CEP250: variants seen among roughly 807,000 people sequenced by gnomAD.
The protein encoded by CEP250 is centrosomal protein 250.
A neutral mutation model predicts 315.7 loss-of-function variants in CEP250; 242 were observed. The observed-to-expected ratio is 0.77, with a 90% CI of 0.69 to 0.85. The LOEUF is 0.85. CEP250 is among the 40% of genes least tolerant of loss of function. The pLI is 0.00. For missense variants in CEP250, 2,515 were observed against 2,886.4 expected, an observed-to-expected ratio of 0.87 and a Z score of 2.95; for synonymous variants, 1,088 against 1,175.0, an observed-to-expected ratio of 0.93 and a Z score of 1.51.
intron 20 of CEP250, among the ~76,000 whole-genome samples, chr20:35,482,594 C>T (rs1172038620): frequency 6.6e-6 from 1 of 151,226 alleles, no homozygotes; most frequent in Non-Finnish European, 1.5e-5. Context: ...GAGTCTTGCT[C>T]TGTCACCCAG....
Position 35,499,983 on chromosome 20 carries a change from C to A in CEP250, c.3778-66C>A, listed in dbSNP as rs759695875. On this transcript the variant is annotated intron_variant, in intron 27 of 34. Transcript: ENST00000397527. ...ACAGAAGCTGAGAATGAGGAGAGAG[C>A]TTGAGCCCTGCATTGTTTTGTGGAA... 1.4e-5 allele frequency: 22 copies of A among 1,600,076 alleles called. No homozygotes were observed. In the South Asian group the frequency reaches 2.3e-4, roughly 17 times the overall value.
intron 30 of CEP250, among the ~76,000 whole-genome samples, chr20:35,505,363 T>C (rs1425446161): frequency 2.6e-5 from 4 of 152,088 alleles, no homozygotes; most frequent in Non-Finnish European, 5.9e-5. Context: ...TGTTTAAGAT[T>C]AGACCTGGGC....
intron 3 of CEP250, among the ~76,000 whole-genome samples, chr20:35,461,682 G>C (rs1440010070): frequency 1.3e-5 from 2 of 152,164 alleles, no homozygotes; most frequent in African/African-American, 4.8e-5. Context: ...CTAAGCCCCA[G>C]TTTCCTCATC....
chr20:35,493,600 A>G lies in CEP250; in HGVS notation c.3033+28A>G, dbSNP rs115699391. Reference sequence around the variant, plus strand: ...CCCCTCCTCCTCCCCACCAAGTCCCATGGTCCTTCCCCAACACAGCCAGGC... The same window carrying G: ...CCCCTCCTCCTCCCCACCAAGTCCCGTGGTCCTTCCCCAACACAGCCAGGC... On this transcript the variant is annotated intron_variant, in intron 23 of 34. Transcript: ENST00000397527. The G allele has an allele frequency of 4.2e-3, 6,349 of 1,496,028 alleles. 252 individuals are homozygous for G. In the African/African-American group the frequency reaches 0.079, roughly 19 times the overall value. The allele number at this position is 1,496,028 out of a possible 1,614,324, so 92.7% of individuals were successfully genotyped here.
At position 35,465,804 on chromosome 20, in the gene CEP250, G is replaced by T; in HGVS notation, c.305G>T (p.Arg102Leu). 1 of 1,609,326 alleles carries T rather than the reference G, an allele frequency of 6.2e-7. No individual in the cohort carries two copies. The highest frequency in any genetic ancestry group is 8.5e-7 in the Non-Finnish European group (1 of 1,178,306). ...CCAAACCTGGATGAGCTGCTGGTCC[G>T]ATTGGAGGAGGAGCAACAGAGGTGA... ...EEPNLDELLV[R>L]LEEEQQRCES... The change falls in exon 6 of 35, where the codon CGA becomes CTA. Residue 102 changes from arginine to leucine, a missense_variant. Coordinates refer to ENST00000397527, the MANE Select transcript of CEP250 (RefSeq NM_007186.6).
intron 30 of CEP250, among the ~76,000 whole-genome samples, chr20:35,507,199 T>C (rs2064211114): frequency 6.6e-6 from 1 of 152,222 alleles, no homozygotes; most frequent in African/African-American, 2.4e-5. Flanking sequence ...TGTTATCATT[T>C]ATGAACCACA....
intron 2 of CEP250, among the ~76,000 whole-genome samples, chr20:35,459,680 G>T (rs973445127): frequency 1.3e-5 from 2 of 151,778 alleles, no homozygotes; most frequent in Non-Finnish European, 2.9e-5. Flanking sequence ...GAAGGGTGAG[G>T]CTGGAGGATC....
At position 35,467,850 on chromosome 20, in the gene CEP250, C is replaced by G. The variant is rs912695643; in HGVS notation, c.851+295C>G. On this transcript the variant is annotated intron_variant, in intron 9 of 34. Coordinates refer to ENST00000397527, the MANE Select transcript of CEP250 (RefSeq NM_007186.6). ...TCCCAGAACAGCCAAGCTCTTCCCC[C>G]TCCCTGTCTTTGTACCTGCTGAATT... 2.0e-5 allele frequency among the ~76,000 whole-genome samples: 3 copies of G among 152,186 alleles called. No homozygotes were observed. In the East Asian group the frequency reaches 5.8e-4, roughly 29 times the overall value.
intron 21 of CEP250, 74 bp from the exon 22 acceptor site, chr20:35,491,138 G>T (rs761812619): frequency 6.2e-5 from 96 of 1,549,178 alleles, no homozygotes; most frequent in Non-Finnish European, 3.2e-5. Flanking sequence ...GGGCAGCTGG[G>T]ATGTGCTTGT....
chr20:35,462,699 T>C (rs2062783409), intron 4 of CEP250, 146 bp downstream of exon 4: 1 of 620,858 alleles, frequency 1.6e-6, no homozygotes, highest in East Asian at 2.8e-5. Context: ...ACCTTCTAGC[T>C]TTCATGTACA....
At chr20:35,461,410 C>CTCTTTA (rs1568751628) in intron 3 of CEP250, among the ~76,000 whole-genome samples, 1 of 152,178 alleles carries the variant, frequency 6.6e-6, no homozygotes, top group Non-Finnish European at 1.5e-5. Context: ...TACCACCATG[C>CTCTTTA]CTTCCCCTGT....
At chr20:35,489,375 G>A (rs1361811572) in intron 20 of CEP250, among the ~76,000 whole-genome samples, 1 of 152,194 alleles carries the variant, frequency 6.6e-6, no homozygotes, top group Non-Finnish European at 1.5e-5. Flanking sequence ...AAAGTGCAGG[G>A]AATACTAATG....
At chr20:35,497,693 T>C in intron 25 of CEP250, 26 bp from the exon 26 acceptor site, 16 of 1,494,788 alleles carry the variant, frequency 1.1e-5, no homozygotes, top group Non-Finnish European at 1.4e-5. Flanking sequence ...TTCCTGCTTA[T>C]ATTATGTAAA....
At chr20:35,493,392 G>C (rs772148990) in intron 22 of CEP250, 37 bp from the exon 23 acceptor site, 1 of 1,492,330 alleles carries the variant, frequency 6.7e-7, no homozygotes, top group Middle Eastern at 1.8e-4. Context: ...CTATGACACA[G>C]ATTTCCTCTA....
In CEP250 at chr20:35,504,792, T is replaced by G; in HGVS notation, c.6423T>G (p.Leu2141=). The change falls in exon 30 of 35, where the codon CTT becomes CTG. Residue 2141 remains leucine, a synonymous_variant. Coordinates refer to ENST00000397527, the MANE Select transcript of CEP250 (RefSeq NM_007186.6). ...CAATGGAGGAACAATCTCTAAAACT[T>G]GATTCTTTAGAGCCCAGGCTGCAGC... ...TSPMEEQSLK[L]DSLEPRLQRE... 6.2e-7 allele frequency: 1 copy of G among 1,614,124 alleles called. No individual in the cohort carries two copies. The highest frequency in any genetic ancestry group is 1.1e-5 in the South Asian group (1 of 91,080).
At position 35,516,970 on chromosome 20, in the gene CEP250, C is replaced by A; in HGVS notation, c.*5344C>A. 1.0e-6 allele frequency: 1 copy of A among 985,560 alleles called. No homozygotes were observed. Among genetic ancestry groups the A allele is most frequent in the African/African-American group, 1.7e-5 (1 of 57,370 alleles). The allele number at this position is 985,560 out of a possible 1,614,324, so 61.1% of individuals were successfully genotyped here. A position where few individuals can be genotyped will look rare whatever the true frequency, so the allele number is the denominator to read the frequency against. On this transcript the variant is annotated 3_prime_UTR_variant, in exon 35 of 35. Coordinates refer to ENST00000397527, the MANE Select transcript of CEP250 (RefSeq NM_007186.6). ...AAACCCCCCCATTGAAGGCTACATTCTTGTCCCACAGGGCAGAGCACATGG... is the reference window on the plus strand; with the variant it reads ...AAACCCCCCCATTGAAGGCTACATTATTGTCCCACAGGGCAGAGCACATGG...
In CEP250 at chr20:35,503,831, C is replaced by T; in HGVS notation, c.5462C>T (p.Ala1821Val). The T allele has an allele frequency of 1.9e-6, 3 of 1,613,948 alleles. No individual in the cohort carries two copies. Among genetic ancestry groups the T allele is most frequent in the Non-Finnish European group, 8.5e-7 (1 of 1,179,996 alleles). ...GCCCAGAGGGACCAGGAACTGGAGG[C>T]TCTGCAGCAAGAACAGCAGCAGGCC... is the stretch of plus-strand genomic sequence containing the variant. ...ALAQRDQELE[A>V]LQQEQQQAQG... The change falls in exon 30 of 35, where the codon GCT (alanine) becomes GTT (valine). Residue 1821 changes from alanine (A) to valine (V), a missense_variant. Coordinates refer to ENST00000397527, the MANE Select transcript of CEP250 (RefSeq NM_007186.6). The surrounding 1 kb of genome is among the most constrained non-coding windows in gnomAD (Gnocchi z 4.2).
In CEP250 at chr20:35,463,628, T is replaced by C; in HGVS notation, c.240T>C (p.Thr80=). Residue 80 remains threonine, a synonymous_variant, in exon 5 of 35, where the codon ACT becomes ACC. Transcript: ENST00000397527. Reference sequence around the variant, plus strand: ...AGCTGGAGAAGCGGCTAGAAGCCACTGGAGTGAGTGAGGCTGAGCTCTCTG... The same window carrying C: ...AGCTGGAGAAGCGGCTAGAAGCCACCGGAGTGAGTGAGGCTGAGCTCTCTG... ...CQELEKRLEA[T]GGPIPQRWEN... 1 of 1,608,458 alleles carries C rather than the reference T, an allele frequency of 6.2e-7. No homozygotes were observed.
At chr20:35,467,185 G>T in intron 8 of CEP250, 113 bp downstream of exon 8, 2 of 1,316,092 alleles carry the variant, frequency 1.5e-6, no homozygotes, top group Non-Finnish European at 2.1e-6. Flanking sequence ...TGGGGGAGTT[G>T]GTAGTATTGG....
Sources: gnomAD v4.1 joint callset for allele counts (sites outside exome capture counted in the v4.1 genomes callset) on GRCh38, gnomAD v4.1.1 for gene constraint, Gnocchi (gnomAD v3.1) non-coding constraint, MANE v1.5 for transcripts, NCBI Gene and HGNC (gene_info 2026-07-23, HGNC 2026-07-21) for gene names.